The following TGFBR2 variants were observed in gnomAD, a reference collection of about 807,000 sequenced individuals.
TGFBR2 encodes TGF-beta receptor type-2.
Under a neutral mutation model 49.0 loss-of-function variants are expected in TGFBR2, and 18 were observed. That is an observed-to-expected ratio of 0.37 (90% confidence interval 0.25 to 0.54). The LOEUF (loss-of-function observed/expected upper bound fraction) is 0.54. Ranked by LOEUF, TGFBR2 falls within the 20% of genes least tolerant of loss-of-function variation. The pLI, the probability that TGFBR2 is intolerant of heterozygous loss-of-function variation, is 0.85. For missense variants in TGFBR2, 525 were observed against 722.6 expected, an observed-to-expected ratio of 0.73 and a Z score of 3.13; for synonymous variants, 282 against 275.9, an observed-to-expected ratio of 1.02 and a Z score of -0.22.
At chr3:30,687,596 G>A (rs1268264420) in intron 5 of TGFBR2, among the ~76,000 whole-genome samples, 3 of 152,100 alleles carry the variant, frequency 2.0e-5, no homozygotes, top group Non-Finnish European at 4.4e-5. Context: ...AATATAAAAT[G>A]TACCATCTTA....
intron 2 of TGFBR2, among the ~76,000 whole-genome samples, chr3:30,645,491 C>CTTTTTTTTTTTTT (rs771983813): frequency 3.7e-5 from 5 of 136,354 alleles, no homozygotes; most frequent in Non-Finnish European, 6.2e-5. Flanking sequence ...CTACATATTT[C>CTTTTTTTTTTTTT]TTTTTTTTTT....
chr3:30,635,465 T>C (rs868130586), intron 1 of TGFBR2, among the ~76,000 whole-genome samples: 23 of 152,322 alleles, frequency 1.5e-4, no homozygotes, highest in Non-Finnish European at 2.4e-4. Context: ...TAGGATTTAT[T>C]TGGGGTCATT....
chr3:30,678,439 T>G (rs1175561176), intron 5 of TGFBR2, among the ~76,000 whole-genome samples: 1 of 149,378 alleles, frequency 6.7e-6, no homozygotes, highest in Non-Finnish European at 1.5e-5. Context: ...TCCCAGCTAC[T>G]CAGGAGGCTG....
At chr3:30,618,951 G>C (rs1672807498) in intron 1 of TGFBR2, among the ~76,000 whole-genome samples, 1 of 152,170 alleles carries the variant, frequency 6.6e-6, no homozygotes, top group South Asian at 2.1e-4. Flanking sequence ...TTGTCTTCCA[G>C]AATTATGGGT....
intron 1 of TGFBR2, among the ~76,000 whole-genome samples, chr3:30,610,388 A>C (rs1007548683): frequency 5.3e-5 from 8 of 152,014 alleles, no homozygotes; most frequent in African/African-American, 1.9e-4. Flanking sequence ...TCTAGGTCCC[A>C]TTGAATGTAT....
Position 30,606,997 on chromosome 3 carries a change from G to T in TGFBR2, c.94+20G>T. 6.4e-6 allele frequency: 10 copies of T among 1,560,648 alleles called. No homozygotes were observed. The highest frequency in any genetic ancestry group is 8.7e-6 in the Non-Finnish European group (10 of 1,151,302). ...AGTCGGGTGAGTGGTCCCCAGCCCG[G>T]GCTCGGCGGGGCGCCGGGGGTCTTC... On this transcript the variant is annotated intron_variant, in intron 1 of 6. Coordinates refer to ENST00000295754, the MANE Select transcript of TGFBR2 (RefSeq NM_003242.6).
chr3:30,658,407 G>C (rs1699048642), intron 3 of TGFBR2, among the ~76,000 whole-genome samples: 1 of 152,156 alleles, frequency 6.6e-6, no homozygotes, highest in Non-Finnish European at 1.5e-5. Context: ...TGTTGTCGTT[G>C]TTGTTGTTTT....
At chr3:30,678,546 T>TAAA (rs1553630848) in intron 5 of TGFBR2, among the ~76,000 whole-genome samples, 119 of 99,944 alleles carry the variant, frequency 1.2e-3, no homozygotes, top group East Asian at 2.6e-3. Flanking sequence ...AGACTGCGTC[T>TAAA]AAAAAAAAAA....
At chr3:30,668,480 G>T (rs1229312941) in intron 3 of TGFBR2, among the ~76,000 whole-genome samples, 1 of 152,214 alleles carries the variant, frequency 6.6e-6, no homozygotes, top group Non-Finnish European at 1.5e-5. Context: ...AATGCCGACT[G>T]CTGGATCGGC....
intron 1 of TGFBR2, among the ~76,000 whole-genome samples, chr3:30,632,017 A>G (rs1010566543): frequency 6.6e-6 from 1 of 152,162 alleles, no homozygotes; most frequent in African/African-American, 2.4e-5. Flanking sequence ...TGCTTTCCAT[A>G]TATCTGGATG....
chr3:30,657,167 A>T (rs1001047754), intron 3 of TGFBR2, among the ~76,000 whole-genome samples: 1 of 152,196 alleles, frequency 6.6e-6, no homozygotes, highest in Non-Finnish European at 1.5e-5. Context: ...CTTGTCTCTT[A>T]TAGAAGGAAT....
At chr3:30,614,351 A>G (rs1359005116) in intron 1 of TGFBR2, among the ~76,000 whole-genome samples, 1 of 152,096 alleles carries the variant, frequency 6.6e-6, no homozygotes, top group African/African-American at 2.4e-5. Context: ...ATTTTAGAGA[A>G]CTAGGGATTT....
intron 3 of TGFBR2, among the ~76,000 whole-genome samples, chr3:30,662,143 C>T (rs1413013505): frequency 1.3e-5 from 2 of 152,174 alleles, no homozygotes; most frequent in African/African-American, 4.8e-5. Context: ...AATAGAAGCA[C>T]ACAGAGGCTA....
rs886058304 is a variant in TGFBR2, at chr3:30,671,804, G to A, written c.621G>A (p.Arg207=). The stretch of plus-strand genomic sequence containing the variant: ...CAACCTGGGAAACCGGCAAGACGCG[G>A]AAGCTCATGGAGTTCAGCGAGCACT... The part of the protein sequence containing the change: ...LSSTWETGKT[R]KLMEFSEHCA... The change falls in exon 4 of 7, where the codon CGG becomes CGA. Residue 207 remains arginine, a synonymous_variant. Coordinates refer to ENST00000295754, the MANE Select transcript of TGFBR2 (RefSeq NM_003242.6). 4 of 1,614,208 alleles carry A rather than the reference G, an allele frequency of 2.5e-6. No individual in the cohort carries two copies. Among genetic ancestry groups the A allele is most frequent in the Middle Eastern group, 1.6e-4 (1 of 6,062 alleles).
intron 6 of TGFBR2, among the ~76,000 whole-genome samples, chr3:30,689,137 C>T (rs1699671000): frequency 6.6e-6 from 1 of 152,160 alleles, no homozygotes; most frequent in African/African-American, 2.4e-5. Flanking sequence ...TCCTAATGGC[C>T]TCTTATTTTT....
intron 1 of TGFBR2, among the ~76,000 whole-genome samples, chr3:30,611,093 C>G (rs1455087773): frequency 6.6e-6 from 1 of 152,184 alleles, no homozygotes; most frequent in Non-Finnish European, 1.5e-5. Flanking sequence ...GTAACAATAC[C>G]AAGCCAAAGT....
chr3:30,609,418 C>G (rs568423974), intron 1 of TGFBR2, among the ~76,000 whole-genome samples: 4 of 152,138 alleles, frequency 2.6e-5, no homozygotes, highest in Non-Finnish European at 5.9e-5. Flanking sequence ...GCTCCTTTTA[C>G]GTCACCTAAA....
rs540400712 is a variant in TGFBR2, at chr3:30,663,107, G to A, written c.455-8531G>A. 3.9e-5 allele frequency among the ~76,000 whole-genome samples: 6 copies of A among 152,130 alleles called. No homozygotes were observed. The East Asian group carries it at 1.2e-3, about 29-fold the overall frequency. On this transcript the variant is annotated intron_variant, in intron 3 of 6. Transcript: ENST00000295754. ...TAACATGCCAACAAAATTTTTAAAGGTACAGAAAATGATGGCAAGATCTTT... is the reference window on the plus strand; with the variant it reads ...TAACATGCCAACAAAATTTTTAAAGATACAGAAAATGATGGCAAGATCTTT...
Position 30,644,328 on chromosome 3 carries a change from T to C in TGFBR2, c.95-419T>C, listed in dbSNP as rs138651923. ...CCCACATCCTCTGTGCTGCCCTCTA[T>C]TTTGGGTCACCCTGACTTGGTCTGT... On this transcript the variant is annotated intron_variant, in intron 1 of 6. Coordinates refer to ENST00000295754, the MANE Select transcript of TGFBR2 (RefSeq NM_003242.6). Among the ~76,000 whole-genome samples, 177 of 152,256 alleles carry C rather than the reference T, an allele frequency of 1.2e-3. 1 individual carries two copies. The highest frequency in any genetic ancestry group is 4.2e-3 in the African/African-American group (174 of 41,548).
Sources: allele counts gnomAD v4.1 joint callset (sites outside exome capture counted in the v4.1 genomes callset), GRCh38; gene constraint gnomAD v4.1.1; transcripts MANE v1.5; gene names NCBI Gene and HGNC (gene_info 2026-07-23, HGNC 2026-07-21).